The following RBMS1 variants were observed in gnomAD, a reference collection of about 807,000 sequenced individuals.
The protein encoded by RBMS1 is RNA binding motif single stranded interacting protein 1.
In RBMS1, 17 loss-of-function variants were observed where a neutral mutation model predicts 62.3. The observed-to-expected ratio is 0.27, with a 90% CI of 0.19 to 0.41. RBMS1 has a LOEUF of 0.41. Among genes scored for constraint, RBMS1 ranks in the 10% least tolerant of loss-of-function variants. The pLI is 1.00. For synonymous variants in RBMS1, 172 were observed against 170.0 expected (o/e 1.01, Z -0.09); for missense variants, 334 against 504.5 (o/e 0.66, Z 3.24).
intron 4 of RBMS1, among the ~76,000 whole-genome samples, chr2:160,306,230 G>A (rs1425766537): frequency 6.6e-6 from 1 of 152,012 alleles, no homozygotes; most frequent in Non-Finnish European, 1.5e-5. Flanking sequence ...TATGTATGAA[G>A]AATTTTTAGA....
At chr2:160,342,189 T>C (rs1021010854) in intron 2 of RBMS1, among the ~76,000 whole-genome samples, 3 of 152,182 alleles carry the variant, frequency 2.0e-5, no homozygotes, top group Admixed American at 6.6e-5. Context: ...TAAATCTATG[T>C]TCCCATAAAA....
chr2:160,372,566 T>C (rs1352014554), intron 1 of RBMS1, among the ~76,000 whole-genome samples: 2 of 152,224 alleles, frequency 1.3e-5, no homozygotes, highest in Non-Finnish European at 2.9e-5. Flanking sequence ...CTTATTTCCA[T>C]ACACCAGTTC....
intron 1 of RBMS1, among the ~76,000 whole-genome samples, chr2:160,467,946 C>T (rs1165777864): frequency 1.3e-5 from 2 of 152,082 alleles, no homozygotes; most frequent in African/African-American, 4.8e-5. Flanking sequence ...TGCATCCACA[C>T]AACCAGTGTG....
intron 2 of RBMS1, among the ~76,000 whole-genome samples, chr2:160,344,749 G>A (rs989184927): frequency 3.9e-5 from 6 of 152,032 alleles, no homozygotes; most frequent in Non-Finnish European, 8.8e-5. Context: ...AGTACAGATG[G>A]GTGTTAGGTA....
At chr2:160,446,577 C>T (rs139888675) in intron 1 of RBMS1, among the ~76,000 whole-genome samples, 82 of 152,262 alleles carry the variant, frequency 5.4e-4, no homozygotes, top group African/African-American at 2.0e-3. Flanking sequence ...TCCATGGACA[C>T]ATCAATATCA....
In RBMS1 at chr2:160,478,675, T is replaced by C. The variant is rs186264750; in HGVS notation, c.75+14614A>G. On this transcript the variant is annotated intron_variant, in intron 1 of 13. Transcript: ENST00000348849. ...TTGCTCAATATATCCCAATTTCTCC[T>C]GTATTTGATTTTCCTAATGCATGGC... Among the ~76,000 whole-genome samples the C allele has an allele frequency of 4.6e-5, 7 of 152,346 alleles. No homozygotes were observed. In the East Asian group the frequency reaches 1.2e-3, roughly 25 times the overall value.
chr2:160,474,824 T>C (rs978010958), intron 1 of RBMS1, among the ~76,000 whole-genome samples: 2 of 152,208 alleles, frequency 1.3e-5, no homozygotes, highest in African/African-American at 4.8e-5. Context: ...GCTTGAGTAG[T>C]GTAAGAATAA....
At chr2:160,403,712 C>T (rs1464332935) in intron 1 of RBMS1, among the ~76,000 whole-genome samples, 1 of 152,098 alleles carries the variant, frequency 6.6e-6, no homozygotes, top group African/African-American at 2.4e-5. Context: ...TGCATTCACT[C>T]CCCTACCTCC....
chr2:160,492,736 G>A (rs1217337186), intron 1 of RBMS1, among the ~76,000 whole-genome samples: 1 of 152,238 alleles, frequency 6.6e-6, no homozygotes, highest in Non-Finnish European at 1.5e-5. Context: ...GAGGCGAGGG[G>A]CGGGCGCTCA....
chr2:160,370,699 G>A (rs1693679089), intron 1 of RBMS1, among the ~76,000 whole-genome samples: 2 of 152,122 alleles, frequency 1.3e-5, no homozygotes, highest in South Asian at 4.1e-4. Context: ...CTCTACGTGG[G>A]ACCCCAAAAC....
chr2:160,391,960 C>CAA (rs11302151), intron 1 of RBMS1, among the ~76,000 whole-genome samples: 15 of 139,294 alleles, frequency 1.1e-4, no homozygotes, highest in Non-Finnish European at 1.8e-4. Flanking sequence ...ACTCCATCTC[C>CAA]AAAAAAAAAA....
At chr2:160,348,198 T>C (rs1660350428) in intron 2 of RBMS1, among the ~76,000 whole-genome samples, 1 of 152,244 alleles carries the variant, frequency 6.6e-6, no homozygotes, top group Admixed American at 6.5e-5. Context: ...AAAGAGTATA[T>C]GCATTTGATA....
At chr2:160,444,841 T>C (rs1008544284) in intron 1 of RBMS1, among the ~76,000 whole-genome samples, 2 of 152,174 alleles carry the variant, frequency 1.3e-5, no homozygotes, top group African/African-American at 4.8e-5. Flanking sequence ...GAAGGACACA[T>C]GCGCACACAG....
chr2:160,466,303 C>G (rs550946188), intron 1 of RBMS1, among the ~76,000 whole-genome samples: 1 of 152,120 alleles, frequency 6.6e-6, no homozygotes, highest in Non-Finnish European at 1.5e-5. Flanking sequence ...TTATACGGTA[C>G]TGATATATTC....
intron 2 of RBMS1, among the ~76,000 whole-genome samples, chr2:160,352,843 T>A (rs956194384): frequency 9.2e-5 from 14 of 152,134 alleles, no homozygotes; most frequent in Admixed American, 5.9e-4. Flanking sequence ...AGTGACATCA[T>A]TGACTGGTAC....
intron 1 of RBMS1, among the ~76,000 whole-genome samples, chr2:160,374,416 C>T (rs1693886139): frequency 6.6e-6 from 1 of 152,026 alleles, no homozygotes; most frequent in African/African-American, 2.4e-5. Flanking sequence ...GAGGAAGCTC[C>T]CACAAGTTGA....
intron 6 of RBMS1, among the ~76,000 whole-genome samples, chr2:160,295,488 T>C (rs1204420541): frequency 6.6e-6 from 1 of 152,224 alleles, no homozygotes; most frequent in Non-Finnish European, 1.5e-5. Context: ...TGAAAAACTG[T>C]ACCCCTGCAG....
chr2:160,407,562 G>C (rs2105245077), intron 1 of RBMS1: 1 of 983,876 alleles, frequency 1.0e-6, no homozygotes, highest in Non-Finnish European at 1.2e-6. Context: ...GGGTGCGGGC[G>C]CGGGCGCGGG....
chr2:160,315,764 T>C (rs1574267859), intron 3 of RBMS1, among the ~76,000 whole-genome samples: 1 of 152,228 alleles, frequency 6.6e-6, no homozygotes, highest in East Asian at 1.9e-4. Context: ...AACTGACATA[T>C]TTACCAGCAT....
Sources: gnomAD v4.1 joint callset for allele counts (sites outside exome capture counted in the v4.1 genomes callset) on GRCh38, gnomAD v4.1.1 for gene constraint, MANE v1.5 for transcripts, NCBI Gene and HGNC (gene_info 2026-07-23, HGNC 2026-07-21) for gene names.